The following RUNX1 variants were observed in gnomAD, a reference collection of about 807,000 sequenced individuals.
RUNX1 encodes the protein runt-related transcription factor 1.
RUNX1 carries 19 observed loss-of-function variants against 42.8 expected under a neutral mutation model. That is an observed-to-expected ratio of 0.44 (90% CI 0.31 to 0.65). RUNX1 has a LOEUF of 0.65. Among genes scored for constraint, RUNX1 ranks in the 30% least tolerant of loss-of-function variants. RUNX1 has a pLI of 0.07. For missense variants in RUNX1, 528 were observed against 672.0 expected, an observed-to-expected ratio of 0.79 and a Z score of 2.37; for synonymous variants, 271 against 289.4, an observed-to-expected ratio of 0.94 and a Z score of 0.64.
intron 2 of RUNX1, among the ~76,000 whole-genome samples, chr21:34,963,184 C>T (rs1020098516): frequency 8.5e-5 from 13 of 152,148 alleles, no homozygotes; most frequent in African/African-American, 3.1e-4. Flanking sequence ...ACCTAGGGTG[C>T]GAAGGAGCAC....
intron 7 of RUNX1, chr21:34,821,768 T>C (rs1744291160): frequency 5.1e-6 from 7 of 1,366,520 alleles, no homozygotes; most frequent in African/African-American, 1.4e-5. Context: ...CGCGAATGCA[T>C]TCCCCTCCCC....
intron 2 of RUNX1, among the ~76,000 whole-genome samples, chr21:34,964,501 A>C (rs894450500): frequency 6.6e-6 from 1 of 151,866 alleles, no homozygotes; most frequent in Non-Finnish European, 1.5e-5. Flanking sequence ...AAAAAAAAAA[A>C]AAGAAAAGAA....
chr21:34,833,639 T>C (rs2057097549), intron 7 of RUNX1: 1 of 152,936 alleles, frequency 6.5e-6, no homozygotes, highest in African/African-American at 2.4e-5. Context: ...GAAAGAAATA[T>C]TACTGTAAAC....
intron 5 of RUNX1, among the ~76,000 whole-genome samples, chr21:34,879,313 T>C (rs979347557): frequency 6.6e-6 from 1 of 152,242 alleles, no homozygotes; most frequent in African/African-American, 2.4e-5. Context: ...CTATTATTAA[T>C]ATAGTACTAT....
At chr21:35,042,775 G>A (rs116320015) in intron 2 of RUNX1, among the ~76,000 whole-genome samples, 35 of 152,300 alleles carry the variant, frequency 2.3e-4, no homozygotes, top group African/African-American at 7.0e-4. Context: ...ACTCCTGCCC[G>A]TCTGCTCAAG....
intron 4 of RUNX1, among the ~76,000 whole-genome samples, chr21:34,881,160 C>T (rs1221523237): frequency 2.0e-5 from 3 of 152,138 alleles, no homozygotes; most frequent in African/African-American, 4.8e-5. Flanking sequence ...TAATTTCTCC[C>T]GTTTGAGAAA....
intron 2 of RUNX1, among the ~76,000 whole-genome samples, chr21:34,947,852 G>A (rs1487640830): frequency 6.6e-6 from 1 of 152,156 alleles, no homozygotes; most frequent in East Asian, 1.9e-4. Flanking sequence ...AGCGCTTCTG[G>A]ACAACGTGGG....
chr21:34,807,668 T>C (rs934435328), intron 7 of RUNX1, among the ~76,000 whole-genome samples: 4 of 152,074 alleles, frequency 2.6e-5, no homozygotes, highest in African/African-American at 9.7e-5. Context: ...CTTGGAGACC[T>C]CAGAACACAC....
intron 2 of RUNX1, among the ~76,000 whole-genome samples, chr21:34,956,633 C>T (rs1330563294): frequency 2.0e-5 from 3 of 152,132 alleles, no homozygotes; most frequent in Non-Finnish European, 2.9e-5. Context: ...CTAGATACCA[C>T]TTTGTGTTTT....
chr21:35,036,130 T>C (rs2059306028), intron 2 of RUNX1, among the ~76,000 whole-genome samples: 1 of 152,090 alleles, frequency 6.6e-6, no homozygotes, highest in Non-Finnish European at 1.5e-5. Flanking sequence ...GTGCAGAAAG[T>C]GCTAAATAAG....
At chr21:35,028,863 A>G (rs1019953298) in intron 2 of RUNX1, among the ~76,000 whole-genome samples, 4 of 152,206 alleles carry the variant, frequency 2.6e-5, no homozygotes, top group African/African-American at 7.2e-5. Flanking sequence ...TGGGAAGAGA[A>G]ATGGGGTAGT....
intron 2 of RUNX1, among the ~76,000 whole-genome samples, chr21:34,893,801 A>ACT (rs1361430563): frequency 7.2e-5 from 11 of 151,844 alleles, no homozygotes; most frequent in Non-Finnish European, 1.5e-5. Context: ...AACCTTTAAA[A>ACT]TAAGAGGAGA....
chr21:35,008,250 C>G (rs1188831675), intron 2 of RUNX1, among the ~76,000 whole-genome samples: 2 of 152,220 alleles, frequency 1.3e-5, no homozygotes, highest in Non-Finnish European at 1.5e-5. Flanking sequence ...GTGCCATGTA[C>G]ACATTCGAGT....
intron 2 of RUNX1, among the ~76,000 whole-genome samples, chr21:34,970,139 G>C (rs2058752490): frequency 6.6e-6 from 1 of 152,224 alleles, no homozygotes; most frequent in African/African-American, 2.4e-5. Context: ...CATGCCTTCA[G>C]ATAAGACTTT....
At chr21:34,991,711 GT>G (rs1245688865) in intron 2 of RUNX1, among the ~76,000 whole-genome samples, 1 of 152,230 alleles carries the variant, frequency 6.6e-6, no homozygotes, top group Admixed American at 6.5e-5. Context: ...TCTGAACTGG[GT>G]TGTGTAGTGT....
chr21:34,931,493 T>C (rs1056239695), intron 2 of RUNX1, among the ~76,000 whole-genome samples: 12 of 144,624 alleles, frequency 8.3e-5, no homozygotes, highest in African/African-American at 2.9e-4. Context: ...ATAATGTATA[T>C]GTATTATGCA....
intron 2 of RUNX1, among the ~76,000 whole-genome samples, chr21:35,005,449 A>T (rs1217974911): frequency 6.6e-6 from 1 of 152,210 alleles, no homozygotes; most frequent in Non-Finnish European, 1.5e-5. Context: ...CGAATAATTT[A>T]ATTAATAATT....
At chr21:34,930,270 G>GTGTGTGTATATATATATATATA (rs372412304) in intron 2 of RUNX1, among the ~76,000 whole-genome samples, 27 of 122,904 alleles carry the variant, frequency 2.2e-4, no homozygotes, top group African/African-American at 8.7e-4. Flanking sequence ...GTGTGTGTAT[G>GTGTGTGTATATATATATATATA]TATATATATA....
chr21:35,005,295 T>C (rs1601662692), intron 2 of RUNX1, among the ~76,000 whole-genome samples: 2 of 152,140 alleles, frequency 1.3e-5, no homozygotes, highest in South Asian at 4.1e-4. Context: ...TTGTCTACAG[T>C]CCTATAAACA....
Sources: allele counts gnomAD v4.1 joint callset (sites outside exome capture counted in the v4.1 genomes callset), GRCh38; gene constraint gnomAD v4.1.1; transcripts MANE v1.5; gene names NCBI Gene and HGNC (gene_info 2026-07-23, HGNC 2026-07-21).